Variants in C1orf21 observed in about 807,000 individuals in gnomAD.
The protein encoded by C1orf21 is uncharacterized protein C1orf21.
C1orf21 carries 3 observed loss-of-function variants against 18.7 expected under a neutral mutation model. The observed-to-expected ratio is 0.16, with a 90% CI of 0.07 to 0.42. The LOEUF is 0.42. Ranked by LOEUF, C1orf21 falls within the 10% of genes least tolerant of loss-of-function variation. C1orf21 has a pLI of 0.99. For synonymous variants in C1orf21, 41 were observed against 46.4 expected, an observed-to-expected ratio of 0.88 and a Z score of 0.47; for missense variants, 104 against 143.6, an observed-to-expected ratio of 0.72 and a Z score of 1.41.
Position 184,486,806 on chromosome 1 carries a change from C to T in C1orf21, c.94+9203C>T, listed in dbSNP as rs1216038921. On this transcript the variant is annotated intron_variant, in intron 2 of 5. Transcript: ENST00000235307. Reference sequence around the variant, plus strand: ...TAGAAAATAAGACCATTTGTCACTCCCTGCTGCCAGGCAGCTGGGTTGCAA... The same window carrying T: ...TAGAAAATAAGACCATTTGTCACTCTCTGCTGCCAGGCAGCTGGGTTGCAA... Among the ~76,000 whole-genome samples, 5 of 152,304 alleles carry T rather than the reference C, an allele frequency of 3.3e-5. No homozygotes were observed. In the East Asian group the frequency reaches 7.7e-4, roughly 24 times the overall value.
chr1:184,411,880 G>A (rs975831140), intron 1 of C1orf21: 8 of 152,128 alleles, frequency 5.3e-5, no homozygotes, highest in African/African-American at 1.9e-4. Flanking sequence ...TAATATGGTT[G>A]GACTACCTAA....
intron 3 of C1orf21, among the ~76,000 whole-genome samples, chr1:184,576,748 T>C (rs954259527): frequency 6.6e-6 from 1 of 152,260 alleles, no homozygotes; most frequent in African/African-American, 2.4e-5. Context: ...TGGGTACTGC[T>C]GCCCGAGTGG....
chr1:184,529,303 T>C (rs949765640), intron 3 of C1orf21, among the ~76,000 whole-genome samples: 1 of 152,180 alleles, frequency 6.6e-6, no homozygotes, highest in African/African-American at 2.4e-5. Context: ...TGAATACAAA[T>C]GTGAAGTGAA....
intron 1 of C1orf21, among the ~76,000 whole-genome samples, chr1:184,454,259 A>G (rs527663472): frequency 8.5e-5 from 13 of 152,346 alleles, no homozygotes; most frequent in Non-Finnish European, 1.6e-4. Flanking sequence ...GTTATTTTGT[A>G]TGGATAATCG....
At chr1:184,455,585 C>A (rs754980845) in intron 1 of C1orf21, among the ~76,000 whole-genome samples, 1 of 152,096 alleles carries the variant, frequency 6.6e-6, no homozygotes, top group Non-Finnish European at 1.5e-5. Context: ...TTGGGGACAG[C>A]GTGAAAATAC....
rs566098194 is a variant in C1orf21, at chr1:184,455,635, G to C, written c.-124-21751G>C. Among the ~76,000 whole-genome samples, 5 of 152,210 alleles carry C rather than the reference G, an allele frequency of 3.3e-5. No homozygotes were observed. In the East Asian group the frequency reaches 9.7e-4, roughly 29 times the overall value. ...ACCTTTCTAGGATTGCTAATATTAAGATATTTCAAATAACCTTTCAGATAA... is the reference window on the plus strand; with the variant it reads ...ACCTTTCTAGGATTGCTAATATTAACATATTTCAAATAACCTTTCAGATAA... On this transcript the variant is annotated intron_variant, in intron 1 of 5. Coordinates refer to ENST00000235307, the MANE Select transcript of C1orf21 (RefSeq NM_030806.4).
At chr1:184,391,729 T>TC (rs952183115) in intron 1 of C1orf21, among the ~76,000 whole-genome samples, 2 of 152,026 alleles carry the variant, frequency 1.3e-5, no homozygotes, top group Non-Finnish European at 2.9e-5. Flanking sequence ...TTTTTTTTTT[T>TC]CGAGACAGAG....
chr1:184,397,863 C>A (rs1478426133), intron 1 of C1orf21, among the ~76,000 whole-genome samples: 1 of 152,086 alleles, frequency 6.6e-6, no homozygotes, highest in African/African-American at 2.4e-5. Context: ...TTACATCCTA[C>A]CAGATGAATA....
At chr1:184,444,985 C>T (rs1262960280) in intron 1 of C1orf21, among the ~76,000 whole-genome samples, 1 of 152,102 alleles carries the variant, frequency 6.6e-6, no homozygotes. Flanking sequence ...TGTAGCGTGA[C>T]TTGTGCTGTA....
intron 1 of C1orf21, among the ~76,000 whole-genome samples, chr1:184,418,458 C>T (rs1656494764): frequency 6.6e-6 from 1 of 152,186 alleles, no homozygotes; most frequent in Non-Finnish European, 1.5e-5. Context: ...AAGCAATCTA[C>T]CTGCCTTGGC....
chr1:184,520,013 GA>G (rs1658283329), intron 3 of C1orf21, among the ~76,000 whole-genome samples: 1 of 152,092 alleles, frequency 6.6e-6, no homozygotes, highest in African/African-American at 2.4e-5. Flanking sequence ...GAGGGAGGAG[GA>G]ATATTGTTTA....
chr1:184,586,310 A>T (rs924293894), intron 3 of C1orf21, among the ~76,000 whole-genome samples: 1 of 124,482 alleles, frequency 8.0e-6, no homozygotes, highest in African/African-American at 3.3e-5. Flanking sequence ...TTTGAGACGG[A>T]GTCTCGCTGT....
At chr1:184,604,304 A>G (rs1330761687) in intron 5 of C1orf21, among the ~76,000 whole-genome samples, 2 of 152,158 alleles carry the variant, frequency 1.3e-5, no homozygotes. Context: ...ATGTAACATG[A>G]CCTGCCCCAC....
chr1:184,398,374 G>A (rs1266907048), intron 1 of C1orf21, among the ~76,000 whole-genome samples: 1 of 152,178 alleles, frequency 6.6e-6, no homozygotes, highest in Non-Finnish European at 1.5e-5. Context: ...GTGGTGCTAA[G>A]ACTGGAATCC....
At chr1:184,474,687 C>G (rs956426193) in intron 1 of C1orf21, among the ~76,000 whole-genome samples, 3 of 152,154 alleles carry the variant, frequency 2.0e-5, no homozygotes, top group African/African-American at 7.2e-5. Context: ...TCTTAATTCT[C>G]AGTGTACCCT....
At chr1:184,446,794 A>G (rs1171744052) in intron 1 of C1orf21, among the ~76,000 whole-genome samples, 1 of 149,910 alleles carries the variant, frequency 6.7e-6, no homozygotes, top group East Asian at 1.9e-4. Context: ...GATTTTAAGG[A>G]CTTATTGTTA....
chr1:184,589,961 G>A (rs183487138), intron 3 of C1orf21, among the ~76,000 whole-genome samples: 109 of 152,278 alleles, frequency 7.2e-4, no homozygotes, highest in Admixed American at 1.3e-3. Context: ...TTCCTCGAGT[G>A]TATATAGTCA....
At chr1:184,514,975 C>T (rs1658202692) in intron 3 of C1orf21, among the ~76,000 whole-genome samples, 1 of 152,172 alleles carries the variant, frequency 6.6e-6, no homozygotes, top group Non-Finnish European at 1.5e-5. Context: ...TCCCAAATTA[C>T]TAACAGTGGA....
chr1:184,511,958 T>G (rs992918833), intron 3 of C1orf21, among the ~76,000 whole-genome samples: 17 of 152,280 alleles, frequency 1.1e-4, no homozygotes, highest in African/African-American at 4.1e-4. Context: ...CAAGTGAAGA[T>G]TGTAATTTAA....
Sources: gnomAD v4.1 joint callset for allele counts (sites outside exome capture counted in the v4.1 genomes callset) on GRCh38, gnomAD v4.1.1 for gene constraint, MANE v1.5 for transcripts, NCBI Gene and HGNC (gene_info 2026-07-23, HGNC 2026-07-21) for gene names.